Variants in TIAM2 observed in about 807,000 individuals in gnomAD.
TIAM2 encodes the protein rho guanine nucleotide exchange factor TIAM2.
TIAM2 carries 80 observed loss-of-function variants against 152.9 expected under a neutral mutation model. The observed-to-expected ratio is 0.52, with a 90% CI of 0.44 to 0.63. TIAM2 has a LOEUF of 0.63. Among genes scored for constraint, TIAM2 ranks in the 30% least tolerant of loss-of-function variants. The pLI is 0.00. For missense variants in TIAM2, 1,965 were observed against 2,120.1 expected, an observed-to-expected ratio of 0.93 and a Z score of 1.44; for synonymous variants, 804 against 838.0, an observed-to-expected ratio of 0.96 and a Z score of 0.70.
intron 2 of TIAM2, among the ~76,000 whole-genome samples, chr6:155,117,172 A>G (rs1235151988): frequency 6.6e-6 from 1 of 151,882 alleles, no homozygotes; most frequent in Non-Finnish European, 1.5e-5. Flanking sequence ...TTTAGACAAT[A>G]TTGATTCTGT....
At chr6:155,118,829 A>G (rs1423365603) in intron 2 of TIAM2, among the ~76,000 whole-genome samples, 2 of 149,878 alleles carry the variant, frequency 1.3e-5, no homozygotes, top group Non-Finnish European at 3.0e-5. Flanking sequence ...TAACTTTCCT[A>G]CCAAGAAGTT....
intron 1 of TIAM2, among the ~76,000 whole-genome samples, chr6:155,051,811 AT>A (rs992306042): frequency 6.6e-6 from 1 of 151,636 alleles, no homozygotes; most frequent in Non-Finnish European, 1.5e-5. Flanking sequence ...CGCCCAGCTA[AT>A]TTTTTTTATT....
intron 1 of TIAM2, among the ~76,000 whole-genome samples, chr6:155,065,434 G>C (rs1274676120): frequency 6.6e-6 from 1 of 151,766 alleles, no homozygotes; most frequent in African/African-American, 2.4e-5. Flanking sequence ...CTTCCTTTTT[G>C]TAATTTCAAC....
In TIAM2 at chr6:155,045,840, CTTTT is replaced by C. The variant is rs11354850; in HGVS notation, c.-208-44431_-208-44428del. Among the ~76,000 whole-genome samples the C allele has an allele frequency of 4.4e-3, 268 of 60,510 alleles. 2 individuals carry two copies. The highest frequency in any genetic ancestry group is 5.7e-3 in the Non-Finnish European group (193 of 33,872). The allele number at this position is 60,510 out of a possible 152,430, so 39.7% of individuals were successfully genotyped here. A position where few individuals can be genotyped will look rare whatever the true frequency, so the allele number is the denominator to read the frequency against. The stretch of plus-strand genomic sequence containing the variant: ...ATTTTTTTCTTGGACATAGTGCCCT[CTTTT>C]TTTTTTTTTTTTTTTTTGGTTTTTG... On this transcript the variant is annotated intron_variant, in intron 1 of 26. Coordinates refer to ENST00000682666, the MANE Select transcript of TIAM2 (RefSeq NM_012454.4).
At chr6:155,240,817 A>T in intron 16 of TIAM2, 108 bp downstream of exon 16, 1 of 1,146,422 alleles carries the variant, frequency 8.7e-7, no homozygotes, top group Non-Finnish European at 1.2e-6. Flanking sequence ...GCCACTCCCC[A>T]GGGGGGGACA....
intron 1 of TIAM2, among the ~76,000 whole-genome samples, chr6:155,054,150 G>A (rs1777386020): frequency 6.6e-6 from 1 of 152,126 alleles, no homozygotes; most frequent in Non-Finnish European, 1.5e-5. Flanking sequence ...TGCAGCCTTG[G>A]GTGACAGAGC....
chr6:155,130,547 T>C lies in TIAM2; in HGVS notation c.1194+130T>C, dbSNP rs573908603. The C allele has an allele frequency of 5.2e-5, 41 of 790,844 alleles. No homozygotes were observed. In the South Asian group the frequency reaches 8.0e-4, roughly 15 times the overall value. 49.0% of individuals were successfully genotyped at this position (790,844 alleles called of 1,614,324 possible). A position where few individuals can be genotyped will look rare whatever the true frequency, so the allele number is the denominator to read the frequency against. ...GATCTGGCAAAAGTGAAGAGTTCAG[T>C]GGAAAGCCTGGCTCATCTCATTTTC... On this transcript the variant is annotated intron_variant, in intron 4 of 26. Coordinates refer to ENST00000682666, the MANE Select transcript of TIAM2 (RefSeq NM_012454.4).
chr6:155,119,719 G>A (rs1211570427), intron 2 of TIAM2, among the ~76,000 whole-genome samples: 2 of 152,154 alleles, frequency 1.3e-5, no homozygotes, highest in Non-Finnish European at 2.9e-5. Flanking sequence ...TACCATTCTG[G>A]CAAAACTACC....
At chr6:155,111,612 G>A (rs976877408) in intron 2 of TIAM2, among the ~76,000 whole-genome samples, 1 of 152,154 alleles carries the variant, frequency 6.6e-6, no homozygotes, top group Non-Finnish European at 1.5e-5. Flanking sequence ...CGTTTCTGAA[G>A]TTTCTGTGAT....
At chr6:155,195,738 A>G (rs911459254) in intron 14 of TIAM2, among the ~76,000 whole-genome samples, 3 of 152,334 alleles carry the variant, frequency 2.0e-5, no homozygotes, top group Admixed American at 6.5e-5. Context: ...TGCTCAGGGA[A>G]CAATGGACAC....
At chr6:155,150,533 A>G (rs994588789) in intron 7 of TIAM2, among the ~76,000 whole-genome samples, 5 of 152,224 alleles carry the variant, frequency 3.3e-5, no homozygotes, top group African/African-American at 1.2e-4. Flanking sequence ...GCTCTGGAGC[A>G]CACTGGAGTC....
At chr6:155,062,493 GT>G (rs1226819885) in intron 1 of TIAM2, among the ~76,000 whole-genome samples, 2 of 129,466 alleles carry the variant, frequency 1.5e-5, no homozygotes, top group African/African-American at 5.1e-5. Flanking sequence ...GGAGTTACCA[GT>G]TTATTTTATT....
chr6:155,043,849 T>C (rs533220915), intron 1 of TIAM2, among the ~76,000 whole-genome samples: 1 of 152,094 alleles, frequency 6.6e-6, no homozygotes, highest in East Asian at 1.9e-4. Flanking sequence ...ACCCTCAATC[T>C]TCTGACAGCT....
At chr6:155,236,013 G>T (rs932521524) in intron 15 of TIAM2, among the ~76,000 whole-genome samples, 3 of 152,016 alleles carry the variant, frequency 2.0e-5, no homozygotes, top group Admixed American at 1.3e-4. Flanking sequence ...CTATAGCCCT[G>T]GGAACTGTTA....
chr6:155,075,980 C>T (rs1272345971), intron 1 of TIAM2, among the ~76,000 whole-genome samples: 1 of 152,086 alleles, frequency 6.6e-6, no homozygotes, highest in Non-Finnish European at 1.5e-5. Flanking sequence ...CCCCGAATAC[C>T]CACATCAGCT....
intron 19 of TIAM2, among the ~76,000 whole-genome samples, 163 bp from the exon 20 acceptor site, chr6:155,247,837 G>A (rs561691726): frequency 6.6e-6 from 1 of 152,180 alleles, no homozygotes; most frequent in Non-Finnish European, 1.5e-5. Flanking sequence ...GGAATCCCAC[G>A]CTGACAGCTG....
chr6:155,197,671 G>A (rs1781377743), intron 14 of TIAM2, among the ~76,000 whole-genome samples: 1 of 152,064 alleles, frequency 6.6e-6, no homozygotes, highest in African/African-American at 2.4e-5. Flanking sequence ...CAATCATGGT[G>A]GAAAGGGAAG....
chr6:155,189,019 T>G lies in TIAM2; in HGVS notation c.3064+5519T>G, dbSNP rs118084581. Among the ~76,000 whole-genome samples the G allele has an allele frequency of 2.8e-3, 423 of 152,330 alleles. 3 individuals carry two copies. Among genetic ancestry groups the G allele is most frequent in the South Asian group, 9.1e-3 (44 of 4,820 alleles). On this transcript the variant is annotated intron_variant, in intron 14 of 26. Coordinates refer to ENST00000682666, the MANE Select transcript of TIAM2 (RefSeq NM_012454.4). ...GAATCATTCTTTTTTTAAATCGCTGTGAGTAGCGTTGAGTCTCAAGCTACC... is the reference window on the plus strand; with the variant it reads ...GAATCATTCTTTTTTTAAATCGCTGGGAGTAGCGTTGAGTCTCAAGCTACC...
At chr6:155,096,071 C>T (rs565407568) in intron 2 of TIAM2, among the ~76,000 whole-genome samples, 28 of 152,114 alleles carry the variant, frequency 1.8e-4, no homozygotes, top group African/African-American at 5.3e-4. Flanking sequence ...AAGTATTATC[C>T]GTTACTCTTT....
Sources: allele counts gnomAD v4.1 joint callset (sites outside exome capture counted in the v4.1 genomes callset), GRCh38; gene constraint gnomAD v4.1.1; transcripts MANE v1.5; gene names NCBI Gene and HGNC (gene_info 2026-07-23, HGNC 2026-07-21).